GLCCI1: variants seen among roughly 807,000 people sequenced by gnomAD.
GLCCI1 encodes glucocorticoid-induced transcript 1 protein.
Under a neutral mutation model 52.2 loss-of-function variants are expected in GLCCI1, and 24 were observed. The observed-to-expected ratio is 0.46, with a 90% CI of 0.33 to 0.65. The LOEUF (loss-of-function observed/expected upper bound fraction) is 0.65, where lower values mean the gene tolerates loss of function less well. Among genes scored for constraint, GLCCI1 ranks in the 30% least tolerant of loss-of-function variants. The probability of loss-of-function intolerance (pLI) is 0.02; values close to 1 mark genes in which losing one functional copy is unlikely to be tolerated. For missense variants in GLCCI1, 704 were observed against 701.5 expected (o/e 1.00, Z -0.04); for synonymous variants, 310 against 276.5 (o/e 1.12, Z -1.20).
intron 6 of GLCCI1, among the ~76,000 whole-genome samples, chr7:8,083,052 T>C (rs907286843): frequency 3.9e-5 from 6 of 152,212 alleles, no homozygotes; most frequent in Admixed American, 2.0e-4. Context: ...TTGTGCCGTG[T>C]AGGCTAAGTT....
At chr7:8,073,421 G>GTTGGTATATT (rs1782807275) in intron 6 of GLCCI1, among the ~76,000 whole-genome samples, 1 of 151,998 alleles carries the variant, frequency 6.6e-6, no homozygotes, top group Admixed American at 6.5e-5. Context: ...GTTTGCCTTT[G>GTTGGTATATT]TTGGTATATT....
chr7:8,060,620 A>T (rs762790063), intron 5 of GLCCI1, among the ~76,000 whole-genome samples: 1 of 152,168 alleles, frequency 6.6e-6, no homozygotes, highest in Non-Finnish European at 1.5e-5. Flanking sequence ...TTAACTTAGC[A>T]TAGTGTTTTT....
intron 2 of GLCCI1, among the ~76,000 whole-genome samples, chr7:8,012,648 T>C (rs1442551393): frequency 6.6e-6 from 1 of 151,720 alleles, no homozygotes; most frequent in Non-Finnish European, 1.5e-5. Context: ...GGTTTCACCG[T>C]GTTAGCCAGG....
chr7:8,017,016 A>G (rs1781393116), intron 2 of GLCCI1, among the ~76,000 whole-genome samples: 1 of 152,188 alleles, frequency 6.6e-6, no homozygotes, highest in Non-Finnish European at 1.5e-5. Flanking sequence ...AATTTCTGGT[A>G]GGTCAGGATT....
intron 1 of GLCCI1, among the ~76,000 whole-genome samples, chr7:7,995,948 A>T (rs1780929907): frequency 6.6e-6 from 1 of 152,200 alleles, no homozygotes; most frequent in Admixed American, 6.5e-5. Flanking sequence ...AATAAAAATG[A>T]AAAAAAGAGA....
At chr7:8,008,719 A>T (rs1305734296) in intron 2 of GLCCI1, among the ~76,000 whole-genome samples, 2 of 152,234 alleles carry the variant, frequency 1.3e-5, no homozygotes, top group African/African-American at 2.4e-5. Context: ...ATATGAACAG[A>T]AAACAAATAC....
intron 2 of GLCCI1, among the ~76,000 whole-genome samples, chr7:8,016,047 G>GTACATTGACTTA (rs1198859861): frequency 6.6e-6 from 1 of 152,122 alleles, no homozygotes; most frequent in African/African-American, 2.4e-5. Context: ...TGTTGGTTTT[G>GTACATTGACTTA]TACATTGACT....
rs61377819 is a variant in GLCCI1, at chr7:8,061,657, C to CTTTTT, written c.966+1432_966+1436dup. Among the ~76,000 whole-genome samples, 110 of 78,374 alleles carry CTTTTT rather than the reference C, an allele frequency of 1.4e-3. 10 individuals carry two copies. Among genetic ancestry groups the CTTTTT allele is most frequent in the East Asian group, 2.5e-3 (6 of 2,388 alleles). 51.4% of individuals were successfully genotyped at this position (78,374 alleles called of 152,430 possible). ...TGGCATCTCTGTTTACCATTGAACT[C>CTTTTT]TTTTTTTTTTTTTTTTTTTTTTTTT... On this transcript the variant is annotated intron_variant, in intron 5 of 7. Coordinates refer to ENST00000223145, the MANE Select transcript of GLCCI1 (RefSeq NM_138426.4).
chr7:7,981,891 C>T, intron 1 of GLCCI1: 1 of 464,436 alleles, frequency 2.2e-6, no homozygotes. Context: ...AAGTCACTCA[C>T]ACACAAGTAA....
rs529970622 is a variant in GLCCI1, at chr7:8,035,577, T to G, written c.696+13008T>G. ...GGCACCTCCCCCTTATATGTGGAGT[T>G]GTTATGTTCCTGCAACAGAAATCAG... is the stretch of plus-strand genomic sequence containing the variant. On this transcript the variant is annotated intron_variant, in intron 3 of 7. Coordinates refer to ENST00000223145, the MANE Select transcript of GLCCI1 (RefSeq NM_138426.4). Among the ~76,000 whole-genome samples, 40 of 152,274 alleles carry G rather than the reference T, an allele frequency of 2.6e-4. No individual in the cohort carries two copies. The South Asian group carries it at 8.1e-3, about 31-fold the overall frequency.
At position 8,022,544 on chromosome 7, in the gene GLCCI1, G is replaced by C. The variant is rs753095935; in HGVS notation, c.671G>C (p.Trp224Ser). The change falls in exon 3 of 8, where the codon TGG becomes TCG. Residue 224 changes from tryptophan (W) to serine (S), a missense_variant. Coordinates refer to ENST00000223145, the MANE Select transcript of GLCCI1 (RefSeq NM_138426.4). ...EKRSHQRSAS[W>S]GSADQLKEQI... ...AGGTCACATCAGCGTTCTGCGTCAT[G>C]GGGGAGTGCTGATCAACTAAAAGAG... 2 of 1,578,100 alleles carry C rather than the reference G, an allele frequency of 1.3e-6. No individual in the cohort carries two copies. Among genetic ancestry groups the C allele is most frequent in the Non-Finnish European group, 1.7e-6 (2 of 1,160,490 alleles).
intron 2 of GLCCI1, among the ~76,000 whole-genome samples, chr7:8,019,764 T>G (rs1032426054): frequency 6.6e-6 from 1 of 152,178 alleles, no homozygotes; most frequent in African/African-American, 2.4e-5. Flanking sequence ...CGTAGTGATA[T>G]TTGTATATAT....
chr7:8,014,423 G>C (rs1198235510), intron 2 of GLCCI1, among the ~76,000 whole-genome samples: 1 of 152,092 alleles, frequency 6.6e-6, no homozygotes, highest in Non-Finnish European at 1.5e-5. Context: ...TTTTACTAAT[G>C]GTTTTTCTTG....
intron 2 of GLCCI1, among the ~76,000 whole-genome samples, chr7:8,007,136 A>T (rs1266833084): frequency 6.6e-6 from 1 of 152,194 alleles, no homozygotes; most frequent in Non-Finnish European, 1.5e-5. Flanking sequence ...GAGGTCCAGG[A>T]TAAGGGCTTG....
chr7:8,023,585 A>AGTCTTTGTTTTTTTTTT (rs1781542357), intron 3 of GLCCI1, among the ~76,000 whole-genome samples: 1 of 39,782 alleles, frequency 2.5e-5, no homozygotes, highest in African/African-American at 1.1e-4. Flanking sequence ...AATCTCTGTT[A>AGTCTTTGTTTTTTTTTT]TTCTTTTTTT....
At chr7:8,050,368 T>C (rs751055468) in intron 3 of GLCCI1, among the ~76,000 whole-genome samples, 11 of 152,292 alleles carry the variant, frequency 7.2e-5, no homozygotes, top group Non-Finnish European at 1.5e-4. Context: ...AAGGCAGAAG[T>C]TTAAAATTTT....
At chr7:8,067,020 C>CTCTT (rs1371727523) in intron 5 of GLCCI1, among the ~76,000 whole-genome samples, 3 of 152,156 alleles carry the variant, frequency 2.0e-5, no homozygotes, top group African/African-American at 7.2e-5. Flanking sequence ...ACATCGAAGT[C>CTCTT]TCTTTGTAGG....
rs528707062 is a variant in GLCCI1 at position 7,981,264 on chromosome 7, T to TTTTC, written c.457+11475_457+11478dup. ...TTTCTTTCTTTCTTTCTTTCTCTTT[T>TTTTC]TTTCTTTCTTTCTTTCTTTCTCTCT... is the stretch of plus-strand genomic sequence containing the variant. On this transcript the variant is annotated intron_variant, in intron 1 of 7. Coordinates refer to ENST00000223145, the MANE Select transcript of GLCCI1 (RefSeq NM_138426.4). 6.5e-4 allele frequency: 160 copies of TTTTC among 247,222 alleles called. 1 individual carries two copies. The highest frequency in any genetic ancestry group is 3.2e-3 in the African/African-American group (135 of 41,608). 15.3% of individuals were successfully genotyped at this position (247,222 alleles called of 1,614,324 possible). A position where few individuals can be genotyped will look rare whatever the true frequency, so the allele number is the denominator to read the frequency against.
At chr7:8,011,832 T>G (rs1781268122) in intron 2 of GLCCI1, among the ~76,000 whole-genome samples, 1 of 152,094 alleles carries the variant, frequency 6.6e-6, no homozygotes, top group Admixed American at 6.5e-5. Flanking sequence ...TGTTTGTTTT[T>G]TGAGATGGAG....
Sources: allele counts gnomAD v4.1 joint callset (sites outside exome capture counted in the v4.1 genomes callset), GRCh38; gene constraint gnomAD v4.1.1; transcripts MANE v1.5; gene names NCBI Gene and HGNC (gene_info 2026-07-23, HGNC 2026-07-21).